RAD23B: variants seen among roughly 807,000 people sequenced by gnomAD.
The protein encoded by RAD23B is lysine-specific demethylase RAD23B.
RAD23B carries 5 observed loss-of-function variants against 49.1 expected under a neutral mutation model. The ratio of observed to expected loss-of-function variants is 0.10; its 90% confidence interval spans 0.05 to 0.21. RAD23B has a LOEUF of 0.21. Among genes scored for constraint, RAD23B ranks in the 10% least tolerant of loss-of-function variants. RAD23B has a pLI of 1.00. For synonymous variants in RAD23B, 184 were observed against 165.4 expected, an observed-to-expected ratio of 1.11 and a Z score of -0.86; for missense variants, 356 against 486.7, an observed-to-expected ratio of 0.73 and a Z score of 2.53.
At chr9:107,306,069 A>C (rs1289942128) in intron 3 of RAD23B, among the ~76,000 whole-genome samples, 18 of 130,930 alleles carry the variant, frequency 1.4e-4, no homozygotes, top group African/African-American at 2.6e-4. Flanking sequence ...ATATATATAT[A>C]TATCTATATA....
In RAD23B at chr9:107,316,232, C is replaced by T. The variant is rs367613505; in HGVS notation, c.554-2520C>T. On this transcript the variant is annotated intron_variant, in intron 5 of 9. Coordinates refer to ENST00000358015, the MANE Select transcript of RAD23B (RefSeq NM_002874.5). The stretch of plus-strand genomic sequence containing the variant: ...TTCACCATGTTGGCCAGGATGGTCT[C>T]GATCTCCTGATCTCGTGATCTGCCC... 2.4e-3 allele frequency among the ~76,000 whole-genome samples: 364 copies of T among 152,136 alleles called. 3 individuals are homozygous for T. Among genetic ancestry groups the T allele is most frequent in the African/African-American group, 8.5e-3 (352 of 41,514 alleles).
chr9:107,294,600 G>C (rs1056987425), intron 1 of RAD23B, among the ~76,000 whole-genome samples: 1 of 152,166 alleles, frequency 6.6e-6, no homozygotes, highest in African/African-American at 2.4e-5. Flanking sequence ...TTGCTAATCT[G>C]TTTTGAAGTA....
intron 1 of RAD23B, among the ~76,000 whole-genome samples, chr9:107,297,148 G>C (rs1826543903): frequency 6.6e-6 from 1 of 151,490 alleles, no homozygotes; most frequent in African/African-American, 2.4e-5. Flanking sequence ...CACTGCGCCT[G>C]GCCTCTTAAT....
intron 9 of RAD23B, among the ~76,000 whole-genome samples, chr9:107,326,871 C>G (rs547914281): frequency 6.6e-6 from 1 of 151,832 alleles, no homozygotes; most frequent in Non-Finnish European, 1.5e-5. Flanking sequence ...GATCTCATGA[C>G]TTCGTGATCC....
At position 107,306,437 on chromosome 9, in the gene RAD23B, C is replaced by G; in HGVS notation, c.287C>G (p.Thr96Ser). ...ATTQQSAPAS[T>S]TAVTSSTTTT... ...ACTCAGCAGTCAGCTCCTGCCAGCA[C>G]TACAGCAGTTACTTCCTCCACCACC... Residue 96 changes from threonine to serine, a missense_variant, in exon 4 of 10, where the codon ACT (threonine) becomes AGT (serine). Coordinates refer to ENST00000358015, the MANE Select transcript of RAD23B (RefSeq NM_002874.5). 2 of 1,614,226 alleles carry G rather than the reference C, an allele frequency of 1.2e-6. No homozygotes were observed. Among genetic ancestry groups the G allele is most frequent in the Non-Finnish European group, 1.7e-6 (2 of 1,180,046 alleles).
At chr9:107,287,991 T>C (rs574951633) in intron 1 of RAD23B, among the ~76,000 whole-genome samples, 8 of 152,206 alleles carry the variant, frequency 5.3e-5, no homozygotes, top group Non-Finnish European at 1.2e-4. Context: ...TTTCATATTA[T>C]ACAAGCTTCC....
chr9:107,284,122 G>A (rs1833222092), intron 1 of RAD23B: 2 of 994,316 alleles, frequency 2.0e-6, no homozygotes, highest in East Asian at 2.2e-4. Flanking sequence ...AGTTCCCAGA[G>A]TTGGTAACCC....
At position 107,283,707 on chromosome 9, in the gene RAD23B, G is replaced by T; in HGVS notation, c.66+12G>T. ...ACCCCGAGGAGACGGTATGCGCGCG[G>T]GCCGGGGGCAGGGGCAGCCGCGTGC... is the stretch of plus-strand genomic sequence containing the variant. On this transcript the variant is annotated intron_variant, in intron 1 of 9. Transcript: ENST00000358015. 2.1e-6 allele frequency: 3 copies of T among 1,458,162 alleles called. No individual in the cohort carries two copies. The highest frequency in any genetic ancestry group is 2.7e-6 in the Non-Finnish European group (3 of 1,100,292). The allele number at this position is 1,458,162 out of a possible 1,614,324, so 90.3% of individuals were successfully genotyped here.
At chr9:107,284,224 T>G in intron 1 of RAD23B, 6 of 985,396 alleles carry the variant, frequency 6.1e-6, no homozygotes, top group Non-Finnish European at 7.2e-6. Context: ...CCCTTTCCCC[T>G]CAGAATTGTT....
chr9:107,301,219 G>A (rs775770816), intron 2 of RAD23B, among the ~76,000 whole-genome samples: 3 of 152,044 alleles, frequency 2.0e-5, no homozygotes, highest in African/African-American at 7.2e-5. Flanking sequence ...GTATCATGTC[G>A]TTTTCTGAAG....
At chr9:107,292,508 G>A (rs113152312) in intron 1 of RAD23B, among the ~76,000 whole-genome samples, 1 of 151,908 alleles carries the variant, frequency 6.6e-6, no homozygotes, top group Non-Finnish European at 1.5e-5. Context: ...ATGAAACCCT[G>A]TCTCTACTAA....
intron 7 of RAD23B, 123 bp downstream of exon 7, chr9:107,322,241 T>C: frequency 1.7e-6 from 2 of 1,207,734 alleles, no homozygotes; most frequent in Non-Finnish European, 2.2e-6. Context: ...CGTTAAGTTC[T>C]CTCTTCACTA....
At chr9:107,308,994 G>A (rs1408139175) in intron 4 of RAD23B, among the ~76,000 whole-genome samples, 1 of 152,194 alleles carries the variant, frequency 6.6e-6, no homozygotes, top group Non-Finnish European at 1.5e-5. Context: ...GTCTGTTACA[G>A]TGCAAATTCC....
chr9:107,286,374 G>A (rs1363146261), intron 1 of RAD23B, among the ~76,000 whole-genome samples: 2 of 152,200 alleles, frequency 1.3e-5, no homozygotes, highest in Non-Finnish European at 2.9e-5. Flanking sequence ...TGGCTATAGA[G>A]TAGGGGGATA....
intron 9 of RAD23B, among the ~76,000 whole-genome samples, chr9:107,325,313 CAAAAAAAAAAAAAAAA>C (rs34042765): frequency 1.6e-5 from 1 of 61,376 alleles, no homozygotes; most frequent in Non-Finnish European, 2.9e-5. Flanking sequence ...GACTCTGTCT[CAAAAAAAAAAAAAAAA>C]AAAAAAAAAA....
Position 107,283,290 on chromosome 9 carries a change from A to G in RAD23B, c.-340A>G. 2.5e-6 allele frequency: 1 copy of G among 403,010 alleles called. No individual in the cohort carries two copies. The highest frequency in any genetic ancestry group is 1.2e-4 in the South Asian group (1 of 8,586). 25.0% of individuals were successfully genotyped at this position (403,010 alleles called of 1,614,324 possible). A position where few individuals can be genotyped will look rare whatever the true frequency, so the allele number is the denominator to read the frequency against. On this transcript the variant is annotated 5_prime_UTR_variant, in exon 1 of 10. It removes an upstream start codon present in the reference 5' UTR. Coordinates refer to ENST00000358015, the MANE Select transcript of RAD23B (RefSeq NM_002874.5). ...GGGCACGTCTCGGCGAGTCACGATGATGGCGGCCACCATCCTGTGGTGAGC... is the reference window on the plus strand; with the variant it reads ...GGGCACGTCTCGGCGAGTCACGATGGTGGCGGCCACCATCCTGTGGTGAGC...
chr9:107,306,339 A>G (rs1564245672), intron 3 of RAD23B, 40 bp from the exon 4 acceptor site: 32 of 1,577,508 alleles, frequency 2.0e-5, no homozygotes, highest in Non-Finnish European at 2.6e-5. Flanking sequence ...GGCAGTATGT[A>G]GTATTTTATT....
chr9:107,297,987 C>T (rs1367479046), intron 1 of RAD23B, among the ~76,000 whole-genome samples: 1 of 152,138 alleles, frequency 6.6e-6, no homozygotes, highest in East Asian at 1.9e-4. Context: ...ATGGAGCACC[C>T]ACTCCATGCC....
At chr9:107,290,520 T>C (rs1239174307) in intron 1 of RAD23B, among the ~76,000 whole-genome samples, 1 of 152,208 alleles carries the variant, frequency 6.6e-6, no homozygotes. Context: ...TCCACCATAC[T>C]GTTCCTAAAA....
Sources: allele counts gnomAD v4.1 joint callset (sites outside exome capture counted in the v4.1 genomes callset), GRCh38; gene constraint gnomAD v4.1.1; transcripts MANE v1.5; gene names NCBI Gene and HGNC (gene_info 2026-07-23, HGNC 2026-07-21).